Variants in ANAPC4 observed in about 807,000 individuals in gnomAD.
The protein encoded by ANAPC4 is anaphase promoting complex subunit 4, also known as anaphase-promoting complex subunit 4.
A neutral mutation model predicts 119.8 loss-of-function variants in ANAPC4; 63 were observed. The ratio of observed to expected loss-of-function variants is 0.53; its 90% CI spans 0.43 to 0.65. The LOEUF is 0.65. Ranked by LOEUF, ANAPC4 falls within the 30% of genes least tolerant of loss-of-function variation. ANAPC4 has a pLI of 0.00. For synonymous variants in ANAPC4, 283 were observed against 318.6 expected (o/e 0.89, Z 1.19); for missense variants, 716 against 945.1 (o/e 0.76, Z 3.18).
chr4:25,405,576 T>G lies in ANAPC4; in HGVS notation c.1274T>G (p.Met425Arg). Residue 425 changes from methionine (M) to arginine (R), a missense_variant, in exon 18 of 29, where the codon ATG (methionine) becomes AGG (arginine). Met to Arg is a moderately conservative substitution (Grantham distance 91). Around this residue, in one of 3 missense-constraint regions of ANAPC4, gnomAD observed 504 missense variants for 615.8 expected, o/e 0.82. Transcript: ENST00000315368. This position sits in a 1 kb window ranked among gnomAD's most constrained non-coding sequence, Gnocchi z 4.6. ...KAFFRWLYVAMLRMTEDHVLP... is the reference protein window; with the variant it reads ...KAFFRWLYVARLRMTEDHVLP... ...TTTTTTAACTTTGTATTTCCAGCAA[T>G]GTTGAGAATGACAGAAGACCATGTG... 5 of 1,613,364 alleles carry G rather than the reference T, an allele frequency of 3.1e-6. No individual in the cohort carries two copies. Among genetic ancestry groups the G allele is most frequent in the Non-Finnish European group, 4.2e-6 (5 of 1,179,478 alleles).
In ANAPC4 at chr4:25,394,360, A is replaced by G. The variant is rs750589498; in HGVS notation, c.927A>G (p.Leu309=). The change falls in exon 12 of 29, where the codon TTA becomes TTG. Residue 309 remains leucine, a synonymous_variant. Coordinates refer to ENST00000315368, the MANE Select transcript of ANAPC4 (RefSeq NM_013367.3). ...AAGATGAGTTCATGCACTTGCTATT[A>G]TGGGGGAAAGCAAGGTAATAAACTC... ...SVQDEFMHLL[L]WGKASAELQT... 4 of 1,578,928 alleles carry G rather than the reference A, an allele frequency of 2.5e-6. No individual in the cohort carries two copies. The highest frequency in any genetic ancestry group is 1.2e-5 in the South Asian group (1 of 83,226).
Position 25,383,493 on chromosome 4 carries a change from T to C in ANAPC4, c.368+100T>C, listed in dbSNP as rs932863144. On this transcript the variant is annotated intron_variant, in intron 4 of 28. Transcript: ENST00000315368. ...CTGAGTATTGGGTGTATGTGCGTTG[T>C]ATTTAAATTTTGGTTTCAGTTTATC... is the stretch of plus-strand genomic sequence containing the variant. The C allele has an allele frequency of 4.3e-6, 5 of 1,167,066 alleles. No individual in the cohort carries two copies. The African/African-American group carries it at 7.9e-5, about 18-fold the overall frequency. The allele number at this position is 1,167,066 out of a possible 1,614,324, so 72.3% of individuals were successfully genotyped here.
Position 25,413,679 on chromosome 4 carries a change from A to G in ANAPC4, c.1560A>G (p.Lys520=). ...TGCTGTTTCCTTATTATCCTCGAAA[A>G]TCATTGCATTTTGTGAAAAGGCGGA... The part of the protein sequence containing the change: ...SPLLFPYYPR[K]SLHFVKRRME... The change falls in exon 22 of 29, where the codon AAA becomes AAG. Residue 520 remains lysine (K), a synonymous_variant. Transcript: ENST00000315368. 2 of 1,613,558 alleles carry G rather than the reference A, an allele frequency of 1.2e-6. No homozygotes were observed. The highest frequency in any genetic ancestry group is 1.7e-6 in the Non-Finnish European group (2 of 1,179,758).
In ANAPC4 at chr4:25,394,819, T is replaced by C; in HGVS notation, c.985-10T>C. The C allele has an allele frequency of 6.2e-7, 1 of 1,609,510 alleles. No homozygotes were observed. ...ATTGTATGCTAAATATATTTTCCTT[T>C]TTTAATTAGGGCTTGAAAAAGCTTG... On this transcript the variant is annotated splice_polypyrimidine_tract_variant and intron_variant, in intron 13 of 28. Transcript: ENST00000315368.
chr4:25,391,916 C>G (rs1722366624), intron 9 of ANAPC4, among the ~76,000 whole-genome samples: 1 of 152,226 alleles, frequency 6.6e-6, no homozygotes, highest in South Asian at 2.1e-4. Flanking sequence ...AAATGATTCA[C>G]TACTACTGTG....
rs562385810 is a variant in ANAPC4, at chr4:25,410,181, T to C, written c.1525+390T>C. Among the ~76,000 whole-genome samples the C allele has an allele frequency of 2.0e-5, 3 of 152,002 alleles. No homozygotes were observed. In the East Asian group the frequency reaches 5.8e-4, roughly 29 times the overall value. On this transcript the variant is annotated intron_variant, in intron 21 of 28. Transcript: ENST00000315368. ...TGTATTCTCCTCGGGTTGTAGTTGG[T>C]GTGTGTGTGTGTGCATGTGTACTTG...
intron 2 of ANAPC4, among the ~76,000 whole-genome samples, chr4:25,379,815 G>C (rs1201883006): frequency 6.6e-6 from 1 of 152,174 alleles, no homozygotes; most frequent in Non-Finnish European, 1.5e-5. Flanking sequence ...TCTTGGAGGA[G>C]CATGTGCAGT....
At chr4:25,389,950 GA>G (rs1234027462) in intron 7 of ANAPC4, among the ~76,000 whole-genome samples, 185 bp from the exon 8 acceptor site, 9 of 151,962 alleles carry the variant, frequency 5.9e-5, no homozygotes, top group Non-Finnish European at 1.2e-4. Context: ...TGTGTTCTTT[GA>G]AAAAAGGAAT....
At chr4:25,385,961 G>C (rs888026225) in intron 4 of ANAPC4, among the ~76,000 whole-genome samples, 1 of 151,860 alleles carries the variant, frequency 6.6e-6, no homozygotes, top group Non-Finnish European at 1.5e-5. Context: ...ACGGAGTTTC[G>C]CTCTTATTGC....
intron 26 of ANAPC4, chr4:25,415,770 A>G (rs779446280): frequency 1.0e-5 from 4 of 386,152 alleles, no homozygotes; most frequent in Non-Finnish European, 1.8e-5. Flanking sequence ...TATAATTAAT[A>G]CTCCTGAGCT....
At chr4:25,385,546 C>A (rs1721984894) in intron 4 of ANAPC4, among the ~76,000 whole-genome samples, 1 of 152,188 alleles carries the variant, frequency 6.6e-6, no homozygotes, top group Admixed American at 6.5e-5. Context: ...CTGTCCAGAT[C>A]ACTAAAACTT....
intron 4 of ANAPC4, among the ~76,000 whole-genome samples, chr4:25,386,771 A>G (rs1429150233): frequency 6.6e-6 from 1 of 152,206 alleles, no homozygotes; most frequent in Non-Finnish European, 1.5e-5. Context: ...AAAATGCAGT[A>G]TCTGGGAAGC....
In ANAPC4 at chr4:25,396,882, G is replaced by A. The variant is rs896210918; in HGVS notation, c.1197G>A (p.Lys399=). The A allele has an allele frequency of 6.2e-7, 1 of 1,612,324 alleles. No homozygotes were observed. Among genetic ancestry groups the A allele is most frequent in the Non-Finnish European group, 8.5e-7 (1 of 1,179,460 alleles). Residue 399 remains lysine, a synonymous_variant, in exon 16 of 29, where the codon AAG becomes AAA. Coordinates refer to ENST00000315368, the MANE Select transcript of ANAPC4 (RefSeq NM_013367.3). ...AITAVGSFIL[K]ANELLQVIDS... ...CTGCTGTGGGTTCTTTTATACTCAA[G>A]GCAAATGAACTTCTTCAGTAAGTAT...
chr4:25,394,934 A>G (rs372800090), intron 14 of ANAPC4, 29 bp downstream of exon 14: 9 of 1,571,486 alleles, frequency 5.7e-6, no homozygotes, highest in Non-Finnish European at 7.8e-6. Flanking sequence ...ATTTTTTGGT[A>G]TTGTATCCAC....
intron 9 of ANAPC4, 38 bp from the exon 10 acceptor site, chr4:25,392,300 A>G (rs773265602): frequency 1.4e-6 from 2 of 1,401,454 alleles, no homozygotes; most frequent in Admixed American, 1.7e-5. Flanking sequence ...CAGCAAGTGC[A>G]TCTGATGATG....
intron 26 of ANAPC4, chr4:25,415,998 C>T (rs1250459294): frequency 1.2e-5 from 2 of 163,504 alleles, no homozygotes; most frequent in African/African-American, 4.8e-5. Context: ...CTTTTTTCCT[C>T]ACATAAAATA....
intron 7 of ANAPC4, among the ~76,000 whole-genome samples, chr4:25,389,499 G>A (rs1291348329): frequency 1.3e-5 from 2 of 151,694 alleles, no homozygotes; most frequent in Non-Finnish European, 2.9e-5. Flanking sequence ...CACCATGTTG[G>A]CCAGGCTGGT....
intron 14 of ANAPC4, 52 bp from the exon 15 acceptor site, chr4:25,396,612 A>T: frequency 7.8e-7 from 1 of 1,278,226 alleles, no homozygotes; most frequent in Non-Finnish European, 1.1e-6. Context: ...CAGGCAAGTT[A>T]GTCACTTGAT....
At position 25,377,344 on chromosome 4, in the gene ANAPC4, G is replaced by A. The variant is rs555352895; in HGVS notation, c.-11G>A. ...TAGTCTGCCGGTGGGGACTCTTGCA[G>A]GTACAGGCGCGGTCGGGGCTCCTCG... is the stretch of plus-strand genomic sequence containing the variant. On this transcript the variant is annotated splice_region_variant and 5_prime_UTR_variant, in exon 1 of 29. Transcript: ENST00000315368. 3.7e-5 allele frequency: 58 copies of A among 1,562,978 alleles called. No homozygotes were observed. In the South Asian group the frequency reaches 6.5e-4, roughly 18 times the overall value.
Sources: gnomAD v4.1 joint callset for allele counts (sites outside exome capture counted in the v4.1 genomes callset) on GRCh38, gnomAD v4.1.1 for gene constraint, gnomAD v4.1.1 regional missense constraint, Gnocchi (gnomAD v3.1) non-coding constraint, MANE v1.5 for transcripts, NCBI Gene and HGNC (gene_info 2026-07-23, HGNC 2026-07-21) for gene names.